Variants in CAD observed in about 807,000 individuals in gnomAD.
CAD encodes the protein multifunctional protein CAD.
In CAD, 81 loss-of-function variants were observed where a neutral mutation model predicts 237.2. The observed-to-expected ratio is 0.34, with a 90% CI of 0.29 to 0.41. The LOEUF is 0.41. Ranked by LOEUF, CAD falls within the 10% of genes least tolerant of loss-of-function variation. CAD has a pLI of 1.00. For missense variants in CAD, 2,181 were observed against 2,951.7 expected (o/e 0.74, Z 6.05); for synonymous variants, 1,196 against 1,162.8 (o/e 1.03, Z -0.58).
chr2:27,239,442 C>T lies in CAD; in HGVS notation c.5365C>T (p.Arg1789Ter), dbSNP rs62130681. The T allele has an allele frequency of 2.5e-6, 4 of 1,613,754 alleles. No individual in the cohort carries two copies. The highest frequency in any genetic ancestry group is 2.7e-5 in the African/African-American group (2 of 74,916). ...GGGCACCGTCCGCCGTGTGGTCCTG[C>T]GAGGGGAGGTTGCCTATATCGATGG... ...VKGTVRRVVLRGEVAYIDGQV... is the reference protein window; with the variant it reads ...VKGTVRRVVL Residue 1789 changes from arginine to a stop codon, truncating the protein, a stop_gained, in exon 33 of 44, where the codon CGA becomes TGA. Transcript: ENST00000264705. LOFTEE classifies it high-confidence loss of function. This position sits in a 1 kb window ranked among gnomAD's most constrained non-coding sequence, Gnocchi z 4.0.
In CAD at chr2:27,233,118, A is replaced by G. The variant is rs1675839104; in HGVS notation, c.2969A>G (p.Tyr990Cys). Reference sequence around the variant, plus strand: ...GACTATGACATGTGTGATCGACTCTACTTTGATGAGATCTCTTTTGAGGTG... The same window carrying G: ...GACTATGACATGTGTGATCGACTCTGCTTTGATGAGATCTCTTTTGAGGTG... ...STDYDMCDRL[Y>C]FDEISFEVVM... is the part of the protein sequence containing the mutation. Residue 990 changes from tyrosine (Y) to cysteine (C), a missense_variant, in exon 19 of 44, where the codon TAC (tyrosine) becomes TGC (cysteine). By Grantham distance (194) the Tyr-to-Cys change is radical (BLOSUM62 -2). This residue lies in a region of CAD where 385 missense variants were observed against 535.1 expected (regional missense o/e 0.72). Coordinates refer to ENST00000264705, the MANE Select transcript of CAD (RefSeq NM_004341.5). This position sits in a 1 kb window ranked among gnomAD's most constrained non-coding sequence, Gnocchi z 6.3. 6.2e-7 allele frequency: 1 copy of G among 1,613,184 alleles called. No individual in the cohort carries two copies. The highest frequency in any genetic ancestry group is 8.5e-7 in the Non-Finnish European group (1 of 1,179,134).
At position 27,234,129 on chromosome 2, in the gene CAD, T is replaced by C; in HGVS notation, c.3521T>C (p.Ile1174Thr). 6.2e-7 allele frequency: 1 copy of C among 1,614,110 alleles called. No individual in the cohort carries two copies. ...ACGCTGGTGACCCCCCCACAAGATATCACTGCCAAAACCCTGGAGCGGATC... is the reference window on the plus strand; with the variant it reads ...ACGCTGGTGACCCCCCCACAAGATACCACTGCCAAAACCCTGGAGCGGATC... The part of the protein sequence containing the change: ...DATLVTPPQD[I>T]TAKTLERIKA... Residue 1174 changes from isoleucine to threonine, a missense_variant, in exon 22 of 44, where the codon ATC (isoleucine) becomes ACC (threonine). By Grantham distance (89) the Ile-to-Thr change is moderately conservative. Transcript: ENST00000264705.
rs1261633088 is a variant in CAD, at chr2:27,239,815, G to T, written c.5496+17G>T. 1 of 1,502,756 alleles carries T rather than the reference G, an allele frequency of 6.7e-7. No homozygotes were observed. The highest frequency in any genetic ancestry group is 2.3e-5 in the East Asian group (1 of 43,696). The allele number at this position is 1,502,756 out of a possible 1,614,324, so 93.1% of individuals were successfully genotyped here. On this transcript the variant is annotated intron_variant, in intron 34 of 43. Coordinates refer to ENST00000264705, the MANE Select transcript of CAD (RefSeq NM_004341.5). The surrounding 1 kb of genome is among the most constrained non-coding windows in gnomAD (Gnocchi z 4.0). ...ATGACCACGGTATCCACACTACTGGGCTAGGGGGCTGGGAGGTGTTAGTCT... is the reference window on the plus strand; with the variant it reads ...ATGACCACGGTATCCACACTACTGGTCTAGGGGGCTGGGAGGTGTTAGTCT...
rs930042479 is a variant in CAD, at chr2:27,234,119, C to G, written c.3511C>G (p.Pro1171Ala). The G allele has an allele frequency of 3.7e-6, 6 of 1,614,020 alleles. No individual in the cohort carries two copies. Among genetic ancestry groups the G allele is most frequent in the Non-Finnish European group, 5.1e-6 (6 of 1,180,040 alleles). The change falls in exon 22 of 44, where the codon CCA becomes GCA. Residue 1171 changes from proline (P) to alanine (A), a missense_variant. Physicochemically the swap from Pro to Ala is conservative, Grantham distance 27 (BLOSUM62 -1). This residue lies in a region of CAD where 306 missense variants were observed against 607.9 expected (regional missense o/e 0.50). Transcript: ENST00000264705. ...AGGTGATGCGACGCTGGTGACCCCC[C>G]CACAAGATATCACTGCCAAAACCCT... is the stretch of plus-strand genomic sequence containing the variant. Reference protein sequence around the residue: ...HSGDATLVTPPQDITAKTLER... With the variant: ...HSGDATLVTPAQDITAKTLER...
rs1219263474 is a variant in CAD, at chr2:27,225,814, T to C, written c.1730T>C (p.Leu577Pro). 11 of 1,614,090 alleles carry C rather than the reference T, an allele frequency of 6.8e-6. No homozygotes were observed. The highest frequency in any genetic ancestry group is 8.5e-6 in the Non-Finnish European group (10 of 1,180,030). The change falls in exon 12 of 44, where the codon CTC (leucine) becomes CCC (proline). Residue 577 changes from leucine to proline, a missense_variant. By Grantham distance (98) the Leu-to-Pro change is moderately conservative. Transcript: ENST00000264705. ...FASNREELSA[L>P]VAPAFAHTSQ... ...TCTAACAGGGAGGAGCTCTCTGCTC[T>C]CGTGGCCCCAGCTTTTGCCCATACC...
At position 27,235,553 on chromosome 2, in the gene CAD, C is replaced by T. The variant is rs767778149; in HGVS notation, c.3987C>T (p.Leu1329=). The T allele has an allele frequency of 3.1e-6, 5 of 1,614,164 alleles. No individual in the cohort carries two copies. The South Asian group carries it at 5.5e-5, about 18-fold the overall frequency. The change falls in exon 25 of 44, where the codon CTC becomes CTT. Residue 1329 remains leucine, a synonymous_variant. Coordinates refer to ENST00000264705, the MANE Select transcript of CAD (RefSeq NM_004341.5). This position sits in a 1 kb window ranked among gnomAD's most constrained non-coding sequence, Gnocchi z 5.2. ...GGTTTCAGAACAAAAGCGAGCTGCT[C>T]CCAACTGTGCGGCTACTGGAGAGCC... ...IGSYKNKSEL[L]PTVRLLESLG...
Position 27,242,390 on chromosome 2 carries a change from C to T in CAD, c.6185C>T (p.Thr2062Ile). 3 of 1,614,044 alleles carry T rather than the reference C, an allele frequency of 1.9e-6. No individual in the cohort carries two copies. The highest frequency in any genetic ancestry group is 2.5e-6 in the Non-Finnish European group (3 of 1,179,984). Residue 2062 changes from threonine to isoleucine, a missense_variant, in exon 40 of 44, where the codon ACC (threonine) becomes ATC (isoleucine). Coordinates refer to ENST00000264705, the MANE Select transcript of CAD (RefSeq NM_004341.5). This position sits in a 1 kb window ranked among gnomAD's most constrained non-coding sequence, Gnocchi z 6.4. ...ACCCAGGCCCTGCTGGACATCTTCACCATCCGTGAGGAGCTGGGAACTGTC... is the reference window on the plus strand; with the variant it reads ...ACCCAGGCCCTGCTGGACATCTTCATCATCCGTGAGGAGCTGGGAACTGTC... The part of the protein sequence containing the change: ...HPTQALLDIF[T>I]IREELGTVNG...
At position 27,240,667 on chromosome 2, in the gene CAD, G is replaced by A. The variant is rs1159313268; in HGVS notation, c.5594-244G>A. 1.3e-6 allele frequency: 2 copies of A among 1,530,244 alleles called. No homozygotes were observed. Among genetic ancestry groups the A allele is most frequent in the Non-Finnish European group, 1.8e-6 (2 of 1,131,696 alleles). 94.8% of individuals were successfully genotyped at this position (1,530,244 alleles called of 1,614,324 possible). A position where few individuals can be genotyped will look rare whatever the true frequency, so the allele number is the denominator to read the frequency against. ...TGAGTCTGGCCGTTCCTCTTGCCTA[G>A]GATGCCTTTGCCAACTGGGAGAGCC... On this transcript the variant is annotated intron_variant, in intron 35 of 43. Transcript: ENST00000264705. The surrounding 1 kb of genome is among the most constrained non-coding windows in gnomAD (Gnocchi z 4.6).
chr2:27,219,841 G>C (rs1338623366), intron 2 of CAD, among the ~76,000 whole-genome samples: 6 of 152,016 alleles, frequency 3.9e-5, no homozygotes, highest in African/African-American at 1.4e-4. Flanking sequence ...TGCCCACCTC[G>C]GCCTCCCAAA....
At position 27,236,665 on chromosome 2, in the gene CAD, A is replaced by T; in HGVS notation, c.4315-84A>T. On this transcript the variant is annotated intron_variant, in intron 26 of 43. Coordinates refer to ENST00000264705, the MANE Select transcript of CAD (RefSeq NM_004341.5). The surrounding 1 kb of genome is among the most constrained non-coding windows in gnomAD (Gnocchi z 4.1). ...GAGATGGTGGGTATAGAGTGTGCAG[A>T]GCCTGGTTTATGGGAAAACCACATC... 6.4e-7 allele frequency: 1 copy of T among 1,552,618 alleles called. No individual in the cohort carries two copies. The highest frequency in any genetic ancestry group is 8.9e-7 in the Non-Finnish European group (1 of 1,124,830).
In CAD at chr2:27,242,753, T is replaced by C; in HGVS notation, c.6356T>C (p.Val2119Ala). The C allele has an allele frequency of 6.2e-7, 1 of 1,614,168 alleles. No individual in the cohort carries two copies. The highest frequency in any genetic ancestry group is 8.5e-7 in the Non-Finnish European group (1 of 1,180,022). ...ATGCCACCCACTGTGCGGGCCTTCG[T>C]GGCCTCCCGCGGCACCAAGCAGGTG... ...LRMPPTVRAFVASRGTKQEEF... is the reference protein window; with the variant it reads ...LRMPPTVRAFAASRGTKQEEF... Residue 2119 changes from valine (V) to alanine (A), a missense_variant, in exon 41 of 44, where the codon GTG becomes GCG. By Grantham distance (64) the Val-to-Ala change is moderately conservative (BLOSUM62 0). Around this residue, in one of 12 missense-constraint regions of CAD, gnomAD observed 170 missense variants for 212.1 expected, o/e 0.80. Transcript: ENST00000264705. This position sits in a 1 kb window ranked among gnomAD's most constrained non-coding sequence, Gnocchi z 6.4.
Position 27,232,743 on chromosome 2 carries a change from C to G in CAD, c.2892+49C>G. The G allele has an allele frequency of 6.2e-7, 1 of 1,608,310 alleles. No homozygotes were observed. The highest frequency in any genetic ancestry group is 8.5e-7 in the Non-Finnish European group (1 of 1,175,612). Reference sequence around the variant, plus strand: ...ACTTTCCTTGCTATTCTGTTCATCTCTAGCAATTGCTTGGCACTAATCCTG... The same window carrying G: ...ACTTTCCTTGCTATTCTGTTCATCTGTAGCAATTGCTTGGCACTAATCCTG... On this transcript the variant is annotated intron_variant, in intron 18 of 43. Transcript: ENST00000264705. This position sits in a 1 kb window ranked among gnomAD's most constrained non-coding sequence, Gnocchi z 4.1.
At chr2:27,229,218 G>A (rs66619273) in intron 15 of CAD, among the ~76,000 whole-genome samples, 19,184 of 151,512 alleles carry the variant, frequency 0.13, 3,497 homozygotes, top group African/African-American at 0.41. Flanking sequence ...ATGCCCGGCC[G>A]ACCCTGTCTC....
rs373539167 is a variant in CAD at position 27,240,377 on chromosome 2, C to T, written c.5593+16C>T. On this transcript the variant is annotated intron_variant, in intron 35 of 43. Coordinates refer to ENST00000264705, the MANE Select transcript of CAD (RefSeq NM_004341.5). This position sits in a 1 kb window ranked among gnomAD's most constrained non-coding sequence, Gnocchi z 4.6. ...GGTTTGCCAGGTAAGAGTGGGGTTC[C>T]TGTGACTCAGAGACTGTGTAGGGAC... 5 of 1,610,692 alleles carry T rather than the reference C, an allele frequency of 3.1e-6. No individual in the cohort carries two copies. In the African/African-American group the frequency reaches 4.0e-5, roughly 13 times the overall value.
rs1192328345 is a variant in CAD at position 27,235,110 on chromosome 2, G to A, written c.3787-135G>A. 19 of 756,812 alleles carry A rather than the reference G, an allele frequency of 2.5e-5. No homozygotes were observed. The highest frequency in any genetic ancestry group is 4.2e-6 in the Non-Finnish European group (2 of 481,600). The allele number at this position is 756,812 out of a possible 1,614,324, so 46.9% of individuals were successfully genotyped here. A position where few individuals can be genotyped will look rare whatever the true frequency, so the allele number is the denominator to read the frequency against. ...TGACCCCAAGTACGTTTGGAAAGCA[G>A]GAGGGCACACAGAGAGGGCAGGCTG... On this transcript the variant is annotated intron_variant, in intron 23 of 43. Transcript: ENST00000264705. The surrounding 1 kb of genome is among the most constrained non-coding windows in gnomAD (Gnocchi z 5.2).
At chr2:27,222,445 G>C (rs948453028) in intron 4 of CAD, 74 bp from the exon 5 acceptor site, 14 of 1,560,456 alleles carry the variant, frequency 9.0e-6, no homozygotes, top group Non-Finnish European at 1.2e-5. Flanking sequence ...TTGAAGGTAG[G>C]AGTTGGTGCA....
chr2:27,230,457 T>C (rs888881289), intron 15 of CAD, among the ~76,000 whole-genome samples: 14 of 151,890 alleles, frequency 9.2e-5, no homozygotes, highest in Admixed American at 3.3e-4. Context: ...TTGGCCAACA[T>C]GGTGAAATCC....
chr2:27,243,882 G>T lies in CAD; in HGVS notation c.*364G>T. ...ACCAGGCAGGGCTCTGGCTAGGGCT[G>T]CGTGCCCACACTCGGCATTTTCACA... On this transcript the variant is annotated 3_prime_UTR_variant, in exon 44 of 44. Coordinates refer to ENST00000264705, the MANE Select transcript of CAD (RefSeq NM_004341.5). 1 of 220,346 alleles carries T rather than the reference G, an allele frequency of 4.5e-6. No homozygotes were observed. The allele number at this position is 220,346 out of a possible 1,614,324, so 13.6% of individuals were successfully genotyped here. A position where few individuals can be genotyped will look rare whatever the true frequency, so the allele number is the denominator to read the frequency against.
chr2:27,223,118 G>A lies in CAD; in HGVS notation c.809+81G>A, dbSNP rs532824734. ...TCTCAGGAATGAGAAGAGAGTTGGT[G>A]TTTATTCGTGTTGAAATAGGAGCGG... On this transcript the variant is annotated intron_variant, in intron 6 of 43. Coordinates refer to ENST00000264705, the MANE Select transcript of CAD (RefSeq NM_004341.5). The A allele has an allele frequency of 3.5e-6, 5 of 1,439,770 alleles. No individual in the cohort carries two copies. The African/African-American group carries it at 5.6e-5, about 16-fold the overall frequency. 89.2% of individuals were successfully genotyped at this position (1,439,770 alleles called of 1,614,324 possible).
Sources: gnomAD v4.1 joint callset for allele counts (sites outside exome capture counted in the v4.1 genomes callset) on GRCh38, gnomAD v4.1.1 for gene constraint, gnomAD v4.1.1 regional missense constraint, Gnocchi (gnomAD v3.1) non-coding constraint, MANE v1.5 for transcripts, NCBI Gene and HGNC (gene_info 2026-07-23, HGNC 2026-07-21) for gene names.